Variants in SYNPO2 observed in about 807,000 individuals in gnomAD.
SYNPO2 encodes the protein synaptopodin-2.
In SYNPO2, 56 loss-of-function variants were observed where a neutral mutation model predicts 85.0. The ratio of observed to expected loss-of-function variants is 0.66; its 90% CI spans 0.53 to 0.82. SYNPO2 has a LOEUF of 0.82. Ranked by LOEUF, SYNPO2 falls within the 40% of genes least tolerant of loss-of-function variation. The pLI is 0.00. For missense variants in SYNPO2, 1,575 were observed against 1,534.2 expected (o/e 1.03, Z -0.44); for synonymous variants, 602 against 591.1 (o/e 1.02, Z -0.27).
chr4:118,850,994 A>T, intron 1 of SYNPO2: 1 of 398,514 alleles, frequency 2.5e-6, no homozygotes, highest in Non-Finnish European at 4.4e-6. Flanking sequence ...AATCACCTGA[A>T]CTCATTACTC....
intron 1 of SYNPO2, among the ~76,000 whole-genome samples, chr4:118,993,199 AGAC>A (rs936096953): frequency 6.9e-4 from 104 of 150,298 alleles, no homozygotes; most frequent in African/African-American, 2.5e-3. Context: ...AAGAGAGAGA[AGAC>A]AAACAAAATG....
At chr4:118,862,936 G>A (rs957436646) in intron 1 of SYNPO2, among the ~76,000 whole-genome samples, 1 of 151,722 alleles carries the variant, frequency 6.6e-6, no homozygotes, top group African/African-American at 2.4e-5. Flanking sequence ...TCAGCCTCCC[G>A]AGTAGCTGGG....
chr4:118,875,768 C>T (rs1190764944), intron 1 of SYNPO2, among the ~76,000 whole-genome samples: 3 of 152,212 alleles, frequency 2.0e-5, no homozygotes, highest in Non-Finnish European at 4.4e-5. Flanking sequence ...GTGTCTGCAT[C>T]TTACAATGTG....
intron 1 of SYNPO2, among the ~76,000 whole-genome samples, chr4:118,971,934 C>T (rs1246691674): frequency 6.6e-6 from 1 of 152,196 alleles, no homozygotes; most frequent in Non-Finnish European, 1.5e-5. Flanking sequence ...GTTTCTTCAA[C>T]ATCACATAAT....
chr4:118,902,330 CTAAG>C (rs1732786641), intron 1 of SYNPO2, among the ~76,000 whole-genome samples: 1 of 152,064 alleles, frequency 6.6e-6, no homozygotes, highest in Non-Finnish European at 1.5e-5. Flanking sequence ...ATACCTGAGA[CTAAG>C]TAATTTATAA....
At chr4:118,867,393 G>T (rs774215512) in intron 1 of SYNPO2, among the ~76,000 whole-genome samples, 43 of 151,894 alleles carry the variant, frequency 2.8e-4, no homozygotes, top group Middle Eastern at 3.5e-3. Context: ...AAATGCTGTG[G>T]TTAAAGAATA....
At chr4:118,996,680 A>C (rs1408832517) in intron 1 of SYNPO2, among the ~76,000 whole-genome samples, 1 of 151,274 alleles carries the variant, frequency 6.6e-6, no homozygotes, top group Non-Finnish European at 1.5e-5. Flanking sequence ...ACATGGTGAA[A>C]CCCCATTTCT....
At chr4:118,869,253 TC>T (rs1731757634) in intron 1 of SYNPO2, among the ~76,000 whole-genome samples, 1 of 152,046 alleles carries the variant, frequency 6.6e-6, no homozygotes, top group Admixed American at 6.6e-5. Flanking sequence ...AGTCGGGGTT[TC>T]TCTATGTTGG....
chr4:118,963,682 T>C (rs1735191337), intron 1 of SYNPO2, among the ~76,000 whole-genome samples: 1 of 152,220 alleles, frequency 6.6e-6, no homozygotes, highest in African/African-American at 2.4e-5. Flanking sequence ...TTGATCAAAT[T>C]CTCAGGGAAA....
At chr4:118,995,094 T>C (rs1170827242) in intron 1 of SYNPO2, among the ~76,000 whole-genome samples, 2 of 152,222 alleles carry the variant, frequency 1.3e-5, no homozygotes. Flanking sequence ...TTACTTCCAG[T>C]GCAATTCTCT....
At chr4:118,986,295 C>T (rs746894331) in intron 1 of SYNPO2, among the ~76,000 whole-genome samples, 62 of 152,320 alleles carry the variant, frequency 4.1e-4, no homozygotes, top group Admixed American at 7.2e-4. Context: ...ACAGTGGAAA[C>T]TGTAACCATG....
chr4:119,006,672 C>A (rs1737041866), intron 1 of SYNPO2, among the ~76,000 whole-genome samples: 1 of 152,048 alleles, frequency 6.6e-6, no homozygotes, highest in South Asian at 2.1e-4. Context: ...GTTAGGTAAT[C>A]CCCAAAGAAG....
At chr4:118,957,523 A>T (rs929830328) in intron 1 of SYNPO2, among the ~76,000 whole-genome samples, 1 of 152,228 alleles carries the variant, frequency 6.6e-6, no homozygotes, top group South Asian at 2.1e-4. Context: ...AAAGGTGGAC[A>T]TAATAACCAT....
intron 1 of SYNPO2, among the ~76,000 whole-genome samples, chr4:118,971,149 A>G (rs1270276190): frequency 6.6e-6 from 1 of 152,210 alleles, no homozygotes; most frequent in African/African-American, 2.4e-5. Flanking sequence ...GAAGATGAAT[A>G]TATGTTATAT....
intron 4 of SYNPO2, chr4:119,042,861 A>C (rs1289436613): frequency 6.6e-6 from 1 of 152,220 alleles, no homozygotes; most frequent in Non-Finnish European, 1.5e-5. Flanking sequence ...CTAAAACAGA[A>C]AAGATGGTGA....
upstream of SYNPO2, chr4:118,888,697 C>T: frequency 3.1e-6 from 1 of 320,030 alleles, no homozygotes; most frequent in Non-Finnish European, 5.8e-6. Flanking sequence ...TTCCGTCCTC[C>T]TTTCCCTTAT....
At position 119,031,181 on chromosome 4, in the gene SYNPO2, T is replaced by G; in HGVS notation, c.2406T>G (p.Val802=). Residue 802 remains valine (V), a synonymous_variant, in exon 4 of 5, where the codon GTT becomes GTG. Transcript: ENST00000307142. ...CATCCAACCCATCAAAGGGCACCGT[T>G]GTCTCCTCCATCAAAATAGCCCAGC... ...FPTSNPSKGT[V]VSSIKIAQPS... is the part of the protein sequence containing the mutation. 6.2e-7 allele frequency: 1 copy of G among 1,614,118 alleles called. No individual in the cohort carries two copies. The highest frequency in any genetic ancestry group is 8.5e-7 in the Non-Finnish European group (1 of 1,180,008).
intron 1 of SYNPO2, among the ~76,000 whole-genome samples, chr4:118,982,854 T>C (rs1165972127): frequency 6.6e-6 from 1 of 152,164 alleles, no homozygotes; most frequent in African/African-American, 2.4e-5. Context: ...TCCCAGATTG[T>C]CCAAAGAGGT....
intron 1 of SYNPO2, among the ~76,000 whole-genome samples, chr4:118,955,709 G>T (rs140776861): frequency 1.7e-4 from 25 of 151,496 alleles, no homozygotes; most frequent in African/African-American, 4.6e-4. Flanking sequence ...ATTTAGAAAA[G>T]TTGCTTAAAT....
Sources: gnomAD v4.1 joint callset for allele counts (sites outside exome capture counted in the v4.1 genomes callset) on GRCh38, gnomAD v4.1.1 for gene constraint, MANE v1.5 for transcripts, NCBI Gene and HGNC (gene_info 2026-07-23, HGNC 2026-07-21) for gene names.